GABRA3: variants seen among roughly 807,000 people sequenced by gnomAD.
The protein encoded by GABRA3 is gamma-aminobutyric acid type A receptor subunit alpha3.
GABRA3 carries 10 observed loss-of-function variants against 30.1 expected under a neutral mutation model. The observed-to-expected ratio is 0.33, with a 90% confidence interval of 0.20 to 0.56. The LOEUF is 0.56. Ranked by LOEUF, GABRA3 falls within the 20% of genes least tolerant of loss-of-function variation. The pLI, the probability that GABRA3 is intolerant of heterozygous loss-of-function variation, is 0.89. For synonymous variants in GABRA3, 151 were observed against 146.8 expected (o/e 1.03, Z -0.21); for missense variants, 233 against 392.0 (o/e 0.59, Z 3.42).
intron 5 of GABRA3, among the ~76,000 whole-genome samples, chrX:152,231,666 CTAA>C (rs898780673): frequency 3.6e-5 from 4 of 111,154 alleles, no homozygotes; most frequent in Non-Finnish European, 7.6e-5. Flanking sequence ...TTTAATTACT[CTAA>C]TTATTCACTA....
chrX:152,169,762 C>T (rs904868941), intron 9 of GABRA3, among the ~76,000 whole-genome samples: 6 of 111,704 alleles, frequency 5.4e-5, no homozygotes, highest in Admixed American at 9.5e-5. Context: ...TTTCACATAC[C>T]TCATGAGTGC....
intron 2 of GABRA3, among the ~76,000 whole-genome samples, chrX:152,359,165 T>A (rs1928407193): frequency 9.0e-6 from 1 of 111,660 alleles, no homozygotes; most frequent in Non-Finnish European, 1.9e-5. Context: ...TGGTAGAATT[T>A]GGCTGTGAAT....
intron 3 of GABRA3, among the ~76,000 whole-genome samples, chrX:152,332,640 T>C (rs1940180819): frequency 8.9e-6 from 1 of 112,006 alleles, no homozygotes; most frequent in Non-Finnish European, 1.9e-5. Flanking sequence ...AAGTGCTCCA[T>C]GATTAGACAG....
chrX:152,196,847 A>G (rs1937395312), intron 8 of GABRA3, among the ~76,000 whole-genome samples: 1 of 112,417 alleles, frequency 8.9e-6, no homozygotes, highest in African/African-American at 3.2e-5. Flanking sequence ...TACCTGACCT[A>G]CAATGCTACT....
chrX:152,212,489 A>G lies in GABRA3; in HGVS notation c.635-4345T>C, dbSNP rs769645727. Among the ~76,000 whole-genome samples the G allele has an allele frequency of 4.6e-5, 5 of 109,488 alleles. No individual in the cohort carries two copies. In the East Asian group the frequency reaches 1.5e-3, roughly 32 times the overall value. ...ATGTGTGTACACACGAGTTGTGGAC[A>G]TGCCTAAAGGAGAGAGATGACATGA... On this transcript the variant is annotated intron_variant, in intron 6 of 9. Transcript: ENST00000370314.
chrX:152,324,077 A>G (rs1161175973), intron 3 of GABRA3, among the ~76,000 whole-genome samples: 1 of 112,291 alleles, frequency 8.9e-6, no homozygotes, highest in African/African-American at 3.2e-5. Flanking sequence ...TAATCCATCA[A>G]CATCCCTGTG....
intron 9 of GABRA3, among the ~76,000 whole-genome samples, chrX:152,176,484 A>G (rs1367381262): frequency 9.0e-6 from 1 of 111,029 alleles, no homozygotes; most frequent in Non-Finnish European, 1.9e-5. Flanking sequence ...AGGAGTTAGG[A>G]CTTGCTGATG....
chrX:152,309,109 G>A (rs1939762816), intron 3 of GABRA3, among the ~76,000 whole-genome samples: 1 of 111,707 alleles, frequency 9.0e-6, no homozygotes, highest in Admixed American at 9.5e-5. Flanking sequence ...AAAATAGAAT[G>A]AACAAAACCC....
chrX:152,232,028 TAG>T (rs201704231), intron 5 of GABRA3, among the ~76,000 whole-genome samples: 2,677 of 111,436 alleles, frequency 0.024, 43 homozygotes, highest in Middle Eastern at 0.065. Flanking sequence ...TACAAATTTG[TAG>T]AGAGATTTTT....
chrX:152,222,615 A>C, intron 6 of GABRA3, among the ~76,000 whole-genome samples: 1 of 109,959 alleles, frequency 9.1e-6, no homozygotes, highest in African/African-American at 3.3e-5. Context: ...TATTCATATG[A>C]TTATTGATTT....
At chrX:152,441,654 G>A (rs1209204420) in intron 1 of GABRA3, among the ~76,000 whole-genome samples, 1 of 111,598 alleles carries the variant, frequency 9.0e-6, no homozygotes. Context: ...TAGACAAATA[G>A]ATTAATGAAA....
chrX:152,329,252 G>A (rs1039734023), intron 3 of GABRA3, among the ~76,000 whole-genome samples: 4 of 111,732 alleles, frequency 3.6e-5, no homozygotes, highest in Admixed American at 9.5e-5. Context: ...AATCAGTATC[G>A]TGAAAATGGC....
chrX:152,407,732 G>A (rs1209073901), intron 1 of GABRA3, among the ~76,000 whole-genome samples: 1 of 111,752 alleles, frequency 8.9e-6, no homozygotes, highest in Admixed American at 9.5e-5. Flanking sequence ...TATGAGGCCA[G>A]TATTACACCA....
rs746022749 is a variant in GABRA3 at position 152,199,171 on chromosome X, C to T, written c.779-1386G>A. Among the ~76,000 whole-genome samples, 85 of 110,062 alleles carry T rather than the reference C, an allele frequency of 7.7e-4. 1 individual carries two copies. The highest frequency in any genetic ancestry group is 2.7e-3 in the African/African-American group (82 of 30,330). ...TACGAGGTCAGGAGATCGAGACCAT[C>T]CTGGCTAACATGGTGAAACCCCATC... On this transcript the variant is annotated intron_variant, in intron 7 of 9. Transcript: ENST00000370314.
At chrX:152,333,064 T>C (rs1940186478) in intron 3 of GABRA3, among the ~76,000 whole-genome samples, 1 of 111,798 alleles carries the variant, frequency 8.9e-6, no homozygotes, top group Non-Finnish European at 1.9e-5. Flanking sequence ...TTGTTTTTCT[T>C]CCCGGGGCAA....
At chrX:152,447,419 A>G (rs1931115262) in intron 1 of GABRA3, among the ~76,000 whole-genome samples, 1 of 111,823 alleles carries the variant, frequency 8.9e-6, no homozygotes, top group Non-Finnish European at 1.9e-5. Flanking sequence ...AATTTTTAAA[A>G]TGGGATGAAT....
At chrX:152,320,180 A>G (rs1939940433) in intron 3 of GABRA3, among the ~76,000 whole-genome samples, 1 of 111,840 alleles carries the variant, frequency 8.9e-6, no homozygotes, top group Non-Finnish European at 1.9e-5. Context: ...TTAAAGAACT[A>G]AAAGTAGAAC....
chrX:152,429,866 G>A (rs1442838599), intron 1 of GABRA3, among the ~76,000 whole-genome samples: 1 of 111,814 alleles, frequency 8.9e-6, no homozygotes, highest in Non-Finnish European at 1.9e-5. Context: ...AAAAACACCT[G>A]TCTGCTTAAC....
At chrX:152,292,147 G>C (rs1051961006) in intron 3 of GABRA3, among the ~76,000 whole-genome samples, 3 of 111,371 alleles carry the variant, frequency 2.7e-5, no homozygotes, top group African/African-American at 9.8e-5. Context: ...TCTGGTCCTG[G>C]ACTTTTTTTT....
Sources: gnomAD v4.1 joint callset for allele counts (sites outside exome capture counted in the v4.1 genomes callset) on GRCh38, gnomAD v4.1.1 for gene constraint, MANE v1.5 for transcripts, NCBI Gene and HGNC (gene_info 2026-07-23, HGNC 2026-07-21) for gene names.